The following PCDH9 variants were observed in gnomAD, a reference collection of about 807,000 sequenced individuals.
PCDH9 encodes protocadherin-9.
Under a neutral mutation model 70.6 loss-of-function variants are expected in PCDH9, and 24 were observed. That is an observed-to-expected ratio of 0.34 (90% CI 0.25 to 0.48). The LOEUF is 0.48. Ranked by LOEUF, PCDH9 falls within the 20% of genes least tolerant of loss-of-function variation. The probability of loss-of-function intolerance (pLI) is 0.99; values close to 1 mark genes in which losing one functional copy is unlikely to be tolerated. For synonymous variants in PCDH9, 562 were observed against 558.5 expected (o/e 1.01, Z -0.09); for missense variants, 1,281 against 1,503.6 (o/e 0.85, Z 2.45).
intron 2 of PCDH9, among the ~76,000 whole-genome samples, chr13:67,069,301 C>T (rs2085711816): frequency 6.6e-6 from 1 of 152,048 alleles, no homozygotes; most frequent in Non-Finnish European, 1.5e-5. Context: ...CCTCTGAATT[C>T]CTCTGAAACC....
chr13:66,982,668 A>G (rs1478104365), intron 2 of PCDH9, among the ~76,000 whole-genome samples: 1 of 152,100 alleles, frequency 6.6e-6, no homozygotes, highest in Non-Finnish European at 1.5e-5. Context: ...CTCTGTCGAA[A>G]CTAACTTGTT....
chr13:66,562,503 G>A (rs1408315043), intron 4 of PCDH9, among the ~76,000 whole-genome samples: 1 of 152,182 alleles, frequency 6.6e-6, no homozygotes, highest in Admixed American at 6.5e-5. Context: ...ATGGCGGAAG[G>A]CAAAGTAGGA....
intron 4 of PCDH9, among the ~76,000 whole-genome samples, chr13:66,329,634 A>T (rs1352919745): frequency 6.6e-6 from 1 of 152,126 alleles, no homozygotes. Context: ...ATGGGTTTTT[A>T]ATAAAATGTC....
chr13:66,495,750 T>A (rs1959106875), intron 4 of PCDH9, among the ~76,000 whole-genome samples: 1 of 152,162 alleles, frequency 6.6e-6, no homozygotes, highest in African/African-American at 2.4e-5. Flanking sequence ...AAACTGTGCA[T>A]TCCACTTCAG....
intron 4 of PCDH9, among the ~76,000 whole-genome samples, chr13:66,554,546 C>T (rs1453752124): frequency 1.3e-5 from 2 of 151,816 alleles, no homozygotes; most frequent in Non-Finnish European, 2.9e-5. Flanking sequence ...TTAAAGTAAA[C>T]TAATAATTAT....
At chr13:66,849,024 G>A (rs1423276797) in intron 3 of PCDH9, among the ~76,000 whole-genome samples, 1 of 150,430 alleles carries the variant, frequency 6.6e-6, no homozygotes, top group African/African-American at 2.5e-5. Flanking sequence ...TATTCTGTGT[G>A]ATCTCCTTTA....
chr13:66,918,866 T>G (rs1442104179), intron 2 of PCDH9, among the ~76,000 whole-genome samples: 1 of 151,322 alleles, frequency 6.6e-6, no homozygotes, highest in African/African-American at 2.4e-5. Context: ...GGTTTTCCAC[T>G]TATTTCTGTC....
chr13:66,578,975 G>T (rs2138772328), intron 4 of PCDH9, among the ~76,000 whole-genome samples: 1 of 152,092 alleles, frequency 6.6e-6, no homozygotes, highest in Admixed American at 6.6e-5. Flanking sequence ...TTCCATCATT[G>T]ACCCTATTGG....
intron 4 of PCDH9, among the ~76,000 whole-genome samples, chr13:66,497,403 C>A (rs973264892): frequency 6.6e-6 from 1 of 152,068 alleles, no homozygotes; most frequent in Non-Finnish European, 1.5e-5. Context: ...TACAAATTAT[C>A]TACATTTTAT....
chr13:66,566,642 G>T (rs1229881075), intron 4 of PCDH9, among the ~76,000 whole-genome samples: 2 of 152,178 alleles, frequency 1.3e-5, no homozygotes, highest in African/African-American at 4.8e-5. Flanking sequence ...CAGTAACTTT[G>T]CCTGTCAGGA....
At chr13:66,686,018 A>C (rs535279811) in intron 3 of PCDH9, among the ~76,000 whole-genome samples, 2 of 152,286 alleles carry the variant, frequency 1.3e-5, no homozygotes, top group African/African-American at 4.8e-5. Context: ...TAATGGTGGA[A>C]TGCGCTAAGA....
At chr13:66,628,111 A>G (rs2077522512) in intron 4 of PCDH9, among the ~76,000 whole-genome samples, 1 of 152,148 alleles carries the variant, frequency 6.6e-6, no homozygotes. Context: ...ATTATTTTCT[A>G]GCCGAAAAAA....
chr13:67,175,504 A>G (rs147977070), intron 2 of PCDH9, among the ~76,000 whole-genome samples: 193 of 152,282 alleles, frequency 1.3e-3, no homozygotes, highest in African/African-American at 4.5e-3. Context: ...GTCTATACCC[A>G]TGAATACATA....
chr13:66,331,336 T>G (rs1593810104), intron 4 of PCDH9, among the ~76,000 whole-genome samples: 2 of 152,254 alleles, frequency 1.3e-5, no homozygotes, highest in East Asian at 3.9e-4. Flanking sequence ...ATGAATGAGA[T>G]GAAGGTTGGC....
At position 66,954,830 on chromosome 13, in the gene PCDH9, C is replaced by T. The variant is rs558054503; in HGVS notation, c.3037-51225G>A. 4.6e-5 allele frequency among the ~76,000 whole-genome samples: 7 copies of T among 152,370 alleles called. No homozygotes were observed. The East Asian group carries it at 1.4e-3, about 29-fold the overall frequency. On this transcript the variant is annotated intron_variant, in intron 2 of 4. Transcript: ENST00000377865. ...CCAGGCTGCAGTGCAGTGGCGTGAT[C>T]TCAGCTCACTGAAAACTCTGCCTCC...
At chr13:67,203,698 T>C (rs2089272064) in intron 2 of PCDH9, 1 of 152,220 alleles carries the variant, frequency 6.6e-6, no homozygotes. Context: ...TGAATAGATA[T>C]GAGAAAATCA....
Position 66,848,927 on chromosome 13 carries a change from CAA to C in PCDH9, c.3138+54575_3138+54576del, listed in dbSNP as rs745587776. On this transcript the variant is annotated intron_variant, in intron 3 of 4. Coordinates refer to ENST00000377865, the MANE Select transcript of PCDH9 (RefSeq NM_203487.3). The stretch of plus-strand genomic sequence containing the variant: ...TGGGTGACACAGCGAGACTCCGTCT[CAA>C]AAAAAAAAAAAAAAAAAAAAAAATA... Among the ~76,000 whole-genome samples the C allele has an allele frequency of 1.0e-2, 512 of 51,222 alleles. 1 individual carries two copies. The highest frequency in any genetic ancestry group is 0.015 in the Non-Finnish European group (391 of 26,212). The allele number at this position is 51,222 out of a possible 152,430, so 33.6% of individuals were successfully genotyped here.
At position 66,613,668 on chromosome 13, in the gene PCDH9, C is replaced by T. The variant is rs117210120; in HGVS notation, c.3340+17542G>A. 4.2e-3 allele frequency among the ~76,000 whole-genome samples: 638 copies of T among 151,966 alleles called. 20 individuals carry two copies. The East Asian group carries it at 0.08, about 19-fold the overall frequency. Reference sequence around the variant, plus strand: ...CTCTCAGGTTAGATATCTGCATGTTCTCCTAGCCCTGTCTCTTCAAGGGTT... The same window carrying T: ...CTCTCAGGTTAGATATCTGCATGTTTTCCTAGCCCTGTCTCTTCAAGGGTT... On this transcript the variant is annotated intron_variant, in intron 4 of 4. Transcript: ENST00000377865.
chr13:66,912,244 C>A (rs961665307), intron 2 of PCDH9, among the ~76,000 whole-genome samples: 1 of 152,060 alleles, frequency 6.6e-6, no homozygotes, highest in Non-Finnish European at 1.5e-5. Flanking sequence ...TCTACTGTTG[C>A]GTTTCATTTT....
Sources: gnomAD v4.1 joint callset for allele counts (sites outside exome capture counted in the v4.1 genomes callset) on GRCh38, gnomAD v4.1.1 for gene constraint, MANE v1.5 for transcripts, NCBI Gene and HGNC (gene_info 2026-07-23, HGNC 2026-07-21) for gene names.